The following STK32B variants were observed in gnomAD, a reference collection of about 807,000 sequenced individuals.
The protein encoded by STK32B is serine/threonine kinase 32B.
In STK32B, 43 loss-of-function variants were observed where a neutral mutation model predicts 52.6. That is an observed-to-expected ratio of 0.82 (90% CI 0.64 to 1.05). The LOEUF (loss-of-function observed/expected upper bound fraction) is 1.05, where lower values mean the gene tolerates loss of function less well. Among genes scored for constraint, STK32B ranks in the 50% least tolerant of loss-of-function variants. The pLI is 0.00. For synonymous variants in STK32B, 238 were observed against 204.3 expected (o/e 1.17, Z -1.41); for missense variants, 621 against 534.6 (o/e 1.16, Z -1.59).
At chr4:5,444,250 G>C (rs1007188758) in intron 6 of STK32B, among the ~76,000 whole-genome samples, 1 of 152,208 alleles carries the variant, frequency 6.6e-6, no homozygotes, top group East Asian at 1.9e-4. Context: ...AGCAATCAGC[G>C]AGACTCCGTG....
At chr4:5,313,475 T>G (rs893864429) in intron 3 of STK32B, among the ~76,000 whole-genome samples, 1 of 152,098 alleles carries the variant, frequency 6.6e-6, no homozygotes, top group African/African-American at 2.4e-5. Flanking sequence ...CTTTTACTAC[T>G]CTTACTTAGT....
chr4:5,415,785 C>G (rs1269737542), intron 5 of STK32B, among the ~76,000 whole-genome samples: 1 of 152,126 alleles, frequency 6.6e-6, no homozygotes, highest in Non-Finnish European at 1.5e-5. Flanking sequence ...ACTGCTGGTG[C>G]TTTTTTTGTC....
At chr4:5,494,037 GA>G (rs1156897759) in intron 11 of STK32B, among the ~76,000 whole-genome samples, 4 of 152,258 alleles carry the variant, frequency 2.6e-5, no homozygotes, top group South Asian at 2.1e-4. Flanking sequence ...GTGTGGTGCT[GA>G]AAAAAATGTA....
intron 11 of STK32B, among the ~76,000 whole-genome samples, chr4:5,468,498 C>T (rs768088343): frequency 1.3e-5 from 2 of 152,192 alleles, no homozygotes; most frequent in African/African-American, 2.4e-5. Context: ...CTCCTTAAGA[C>T]GCGGGGCTGT....
chr4:5,023,182 G>A, the STK32B span, among the ~76,000 whole-genome samples: 2 of 152,188 alleles, frequency 1.3e-5, no homozygotes, highest in South Asian at 2.1e-4. Context: ...CCTCCAAAAC[G>A]GGCCCAGTTA....
chr4:5,120,011 A>G (rs1204831726), intron 1 of STK32B, among the ~76,000 whole-genome samples: 1 of 152,214 alleles, frequency 6.6e-6, no homozygotes, highest in Non-Finnish European at 1.5e-5. Flanking sequence ...GAAATATTAA[A>G]TGGAAAATTT....
intron 1 of STK32B, among the ~76,000 whole-genome samples, chr4:5,090,943 A>G (rs1251705224): frequency 6.6e-6 from 1 of 152,246 alleles, no homozygotes; most frequent in Non-Finnish European, 1.5e-5. Context: ...GAAAATCTAG[A>G]TAGACTTATA....
At chr4:5,357,001 A>G (rs1305965082) in intron 4 of STK32B, among the ~76,000 whole-genome samples, 5 of 149,714 alleles carry the variant, frequency 3.3e-5, no homozygotes, top group African/African-American at 1.3e-4. Flanking sequence ...TCTCTCTCTC[A>G]TATGTGTATA....
intron 7 of STK32B, among the ~76,000 whole-genome samples, chr4:5,449,689 G>C (rs183977980): frequency 6.6e-6 from 1 of 152,098 alleles, no homozygotes; most frequent in Non-Finnish European, 1.5e-5. Context: ...GCTGCTCCCC[G>C]TCACTCACAT....
chr4:5,413,634 A>G (rs1245795330), intron 5 of STK32B, among the ~76,000 whole-genome samples: 1 of 152,242 alleles, frequency 6.6e-6, no homozygotes, highest in Non-Finnish European at 1.5e-5. Flanking sequence ...AGCAAAAGGC[A>G]CTATAAACAA....
intron 3 of STK32B, among the ~76,000 whole-genome samples, chr4:5,310,309 G>A (rs1350177005): frequency 1.3e-5 from 2 of 152,100 alleles, no homozygotes; most frequent in East Asian, 1.9e-4. Flanking sequence ...TTAATATTCA[G>A]AACATAAAAG....
intron 11 of STK32B, among the ~76,000 whole-genome samples, chr4:5,478,039 G>A (rs73794609): frequency 0.018 from 2,799 of 152,206 alleles, 94 homozygotes; most frequent in African/African-American, 0.064. Flanking sequence ...GAATGGGGCC[G>A]TGGAAAGAAT....
chr4:5,168,320 G>C lies in STK32B; in HGVS notation c.130G>C (p.Asp44His). 2 of 1,613,918 alleles carry C rather than the reference G, an allele frequency of 1.2e-6. No homozygotes were observed. Among genetic ancestry groups the C allele is most frequent in the Non-Finnish European group, 1.7e-6 (2 of 1,179,962 alleles). ...TCAGGTATGCATCGTGCAGAAGCGA[G>C]ACACTAAGAAAATGTATGCAATGAA... ...FGKVCIVQKR[D>H]TKKMYAMKYM... is the part of the protein sequence containing the mutation. The change falls in exon 3 of 12, where the codon GAC becomes CAC. Residue 44 changes from aspartate (D) to histidine (H), a missense_variant. Transcript: ENST00000282908.
chr4:5,086,637 A>C (rs1228043030), intron 1 of STK32B, among the ~76,000 whole-genome samples: 1 of 152,070 alleles, frequency 6.6e-6, no homozygotes, highest in Non-Finnish European at 1.5e-5. Flanking sequence ...AGTAAGATAA[A>C]CTAAAAAAGA....
chr4:5,435,031 C>T lies in STK32B; in HGVS notation c.563-11642C>T, dbSNP rs140536476. ...TCTCTGTGGGCCTCAGCTTCTTCATCCATGGCCTATGGTGCTTCAAGGATG... is the reference window on the plus strand; with the variant it reads ...TCTCTGTGGGCCTCAGCTTCTTCATTCATGGCCTATGGTGCTTCAAGGATG... On this transcript the variant is annotated intron_variant, in intron 6 of 11. Coordinates refer to ENST00000282908, the MANE Select transcript of STK32B (RefSeq NM_018401.3). Among the ~76,000 whole-genome samples, 396 of 152,252 alleles carry T rather than the reference C, an allele frequency of 2.6e-3. 3 individuals are homozygous for T. Among genetic ancestry groups the T allele is most frequent in the Middle Eastern group, 0.014 (4 of 294 alleles).
At chr4:5,122,511 AT>A (rs1715111355) in intron 1 of STK32B, among the ~76,000 whole-genome samples, 2 of 151,992 alleles carry the variant, frequency 1.3e-5, no homozygotes, top group South Asian at 4.2e-4. Flanking sequence ...TCATTTACTC[AT>A]TCATTCACTT....
chr4:5,327,430 G>A (rs1731954291), intron 3 of STK32B, among the ~76,000 whole-genome samples: 1 of 151,558 alleles, frequency 6.6e-6, no homozygotes, highest in Non-Finnish European at 1.5e-5. Flanking sequence ...AATAATAAGT[G>A]TCAAAGGTCA....
At chr4:5,150,547 CTT>C (rs569401672) in intron 2 of STK32B, among the ~76,000 whole-genome samples, 24 of 151,670 alleles carry the variant, frequency 1.6e-4, no homozygotes, top group South Asian at 4.2e-4. Flanking sequence ...TATTCTGCCT[CTT>C]TGGCAGGCAC....
Position 5,490,577 on chromosome 4 carries a change from A to T in STK32B, c.1107-8368A>T, listed in dbSNP as rs541214898. 3.3e-5 allele frequency among the ~76,000 whole-genome samples: 5 copies of T among 151,938 alleles called. No individual in the cohort carries two copies. In the South Asian group the frequency reaches 8.3e-4, roughly 25 times the overall value. ...CTCGTCTTTTTTTTTAATTTTTTAA[A>T]TTTTTTTATTATTATACTTTAAGTT... On this transcript the variant is annotated intron_variant, in intron 11 of 11. Coordinates refer to ENST00000282908, the MANE Select transcript of STK32B (RefSeq NM_018401.3).
Sources: allele counts gnomAD v4.1 joint callset (sites outside exome capture counted in the v4.1 genomes callset), GRCh38; gene constraint gnomAD v4.1.1; transcripts MANE v1.5; gene names NCBI Gene and HGNC (gene_info 2026-07-23, HGNC 2026-07-21).